The following GGA1 variants were observed in gnomAD, a reference collection of about 807,000 sequenced individuals.
GGA1 encodes golgi associated, gamma adaptin ear containing, ARF binding protein 1.
In GGA1, 18 loss-of-function variants were observed where a neutral mutation model predicts 76.9. The ratio of observed to expected loss-of-function variants is 0.23; its 90% confidence interval spans 0.16 to 0.35. The LOEUF (loss-of-function observed/expected upper bound fraction) is 0.35, where lower values mean the gene tolerates loss of function less well. Ranked by LOEUF, GGA1 falls within the 10% of genes least tolerant of loss-of-function variation. The pLI, the probability that GGA1 is intolerant of heterozygous loss-of-function variation, is 1.00. For synonymous variants in GGA1, 342 were observed against 354.7 expected (o/e 0.96, Z 0.40); for missense variants, 755 against 859.0 (o/e 0.88, Z 1.51).
chr22:37,613,689 G>A (rs1016603801), intron 1 of GGA1, among the ~76,000 whole-genome samples: 4 of 151,640 alleles, frequency 2.6e-5, no homozygotes, highest in Admixed American at 6.6e-5. Flanking sequence ...ATGAGCCACC[G>A]TGCCTGGCCC....
chr22:37,613,188 G>A, intron 1 of GGA1: 2 of 983,832 alleles, frequency 2.0e-6, no homozygotes, highest in Non-Finnish European at 2.4e-6. Context: ...AACCTGGTGT[G>A]ATGGTAAGAC....
chr22:37,621,369 G>T (rs1929859353), intron 6 of GGA1, among the ~76,000 whole-genome samples: 1 of 152,230 alleles, frequency 6.6e-6, no homozygotes, highest in African/African-American at 2.4e-5. Context: ...CAGCCATGGG[G>T]ATATAAGGAG....
At chr22:37,609,036 C>T (rs575766561) in intron 1 of GGA1, 133 bp downstream of exon 1, 155 of 1,440,068 alleles carry the variant, frequency 1.1e-4, no homozygotes, top group Middle Eastern at 4.5e-4. Context: ...GGGGCGGTGT[C>T]CTCAGTCGGC....
chr22:37,628,925 C>G (rs745731166), intron 11 of GGA1, among the ~76,000 whole-genome samples: 8 of 152,226 alleles, frequency 5.3e-5, no homozygotes, highest in Non-Finnish European at 1.2e-4. Context: ...CTCCATAGTA[C>G]CAGTGAGCCT....
At chr22:37,613,280 C>G in intron 1 of GGA1, 1 of 511,984 alleles carries the variant, frequency 2.0e-6, no homozygotes, top group Non-Finnish European at 2.5e-6. Flanking sequence ...ATGCGTGGGT[C>G]AGAGGTGTAC....
At chr22:37,630,625 G>A (rs886433269) in intron 13 of GGA1, 1 of 508,882 alleles carries the variant, frequency 2.0e-6, no homozygotes, top group African/African-American at 2.0e-5. Context: ...GGAGTACAGT[G>A]GCATGATCTC....
intron 1 of GGA1, among the ~76,000 whole-genome samples, chr22:37,613,507 TCTC>T (rs1276938377): frequency 6.6e-6 from 1 of 152,072 alleles, no homozygotes; most frequent in Non-Finnish European, 1.5e-5. Flanking sequence ...TTCACGCCAT[TCTC>T]CTGCCTCAGC....
intron 7 of GGA1, among the ~76,000 whole-genome samples, chr22:37,622,654 C>G (rs1930106037): frequency 6.6e-6 from 1 of 152,258 alleles, no homozygotes; most frequent in African/African-American, 2.4e-5. Flanking sequence ...GGCTCAATGA[C>G]CCTCCCATCT....
chr22:37,627,748 G>A (rs1931099967), intron 11 of GGA1, among the ~76,000 whole-genome samples: 1 of 152,210 alleles, frequency 6.6e-6, no homozygotes, highest in African/African-American at 2.4e-5. Flanking sequence ...CCTCTCAGAG[G>A]CAAAGCATGG....
At chr22:37,617,953 G>C (rs541459757) in intron 3 of GGA1, 1 of 156,526 alleles carries the variant, frequency 6.4e-6, no homozygotes, top group African/African-American at 2.4e-5. Flanking sequence ...GAAGCCCCAT[G>C]TCTACTAAAA....
At chr22:37,611,918 G>A (rs1187857899) in intron 1 of GGA1, among the ~76,000 whole-genome samples, 3 of 152,156 alleles carry the variant, frequency 2.0e-5, no homozygotes, top group Non-Finnish European at 4.4e-5. Flanking sequence ...TTGGGTGGCC[G>A]AGGTGGGTGG....
At chr22:37,615,364 G>A (rs1022621732) in intron 2 of GGA1, among the ~76,000 whole-genome samples, 1 of 151,992 alleles carries the variant, frequency 6.6e-6, no homozygotes, top group African/African-American at 2.4e-5. Flanking sequence ...CAGGAGAATT[G>A]CTTGAACCCA....
At chr22:37,618,370 C>A (rs991184076) in intron 3 of GGA1, 78 bp from the exon 4 acceptor site, 6 of 805,082 alleles carry the variant, frequency 7.5e-6, no homozygotes, top group Non-Finnish European at 1.3e-5. Flanking sequence ...GGCTTCTGGC[C>A]CCTGTCCAAG....
intron 4 of GGA1, chr22:37,619,712 C>G (rs1929528191): frequency 4.2e-6 from 3 of 720,428 alleles, no homozygotes; most frequent in Non-Finnish European, 7.7e-6. Context: ...GAGTGACAGC[C>G]CACCCCCTTG....
intron 14 of GGA1, among the ~76,000 whole-genome samples, chr22:37,631,750 G>A (rs1173114558): frequency 6.6e-6 from 1 of 152,212 alleles, no homozygotes; most frequent in African/African-American, 2.4e-5. Flanking sequence ...AAGCTGGGCT[G>A]TGACTCGGCT....
At chr22:37,620,050 G>C in intron 4 of GGA1, 188 bp from the exon 5 acceptor site, 2 of 659,138 alleles carry the variant, frequency 3.0e-6, no homozygotes, top group Non-Finnish European at 5.5e-6. Context: ...GGCTGACCCA[G>C]CTAATAAGTG....
intron 7 of GGA1, among the ~76,000 whole-genome samples, chr22:37,622,520 C>T (rs1027659510): frequency 8.6e-5 from 13 of 152,046 alleles, no homozygotes; most frequent in African/African-American, 1.9e-4. Context: ...TGGGCTCAAG[C>T]GATCCTCCCA....
In GGA1 at chr22:37,625,124, G is replaced by T. The variant is rs978212394; in HGVS notation, c.940+48G>T. ...GGGAGGGCACCCATCAGGCTGGAGG[G>T]GCACAGAGAGTGCAGGGTGGTGTGC... On this transcript the variant is annotated intron_variant, in intron 10 of 16. Coordinates refer to ENST00000343632, the MANE Select transcript of GGA1 (RefSeq NM_013365.5). This position sits in a 1 kb window ranked among gnomAD's most constrained non-coding sequence, Gnocchi z 4.1. 12 of 1,475,368 alleles carry T rather than the reference G, an allele frequency of 8.1e-6. No homozygotes were observed. Among genetic ancestry groups the T allele is most frequent in the Middle Eastern group, 2.3e-4 (1 of 4,258 alleles). The allele number at this position is 1,475,368 out of a possible 1,614,324, so 91.4% of individuals were successfully genotyped here.
At chr22:37,621,229 TAAAC>T (rs968132672) in intron 6 of GGA1, among the ~76,000 whole-genome samples, 4 of 152,326 alleles carry the variant, frequency 2.6e-5, no homozygotes, top group African/African-American at 9.6e-5. Flanking sequence ...GGTGAAAAGT[TAAAC>T]AGCCCAGGAG....
Sources: allele counts gnomAD v4.1 joint callset (sites outside exome capture counted in the v4.1 genomes callset), GRCh38; gene constraint gnomAD v4.1.1; non-coding constraint Gnocchi (gnomAD v3.1); transcripts MANE v1.5; gene names NCBI Gene and HGNC (gene_info 2026-07-23, HGNC 2026-07-21).